The following EYS variants were observed in gnomAD, a reference collection of about 807,000 sequenced individuals.
The protein encoded by EYS is protein eyes shut homolog.
In EYS, 250 loss-of-function variants were observed where a neutral mutation model predicts 282.1. That is an observed-to-expected ratio of 0.89 (90% CI 0.80 to 0.98). EYS has a LOEUF of 0.98. Ranked by LOEUF, EYS falls within the 50% of genes least tolerant of loss-of-function variation. The pLI is 0.00. For synonymous variants in EYS, 1,355 were observed against 1,282.9 expected, an observed-to-expected ratio of 1.06 and a Z score of -1.20; for missense variants, 4,016 against 3,709.0, an observed-to-expected ratio of 1.08 and a Z score of -2.15.
chr6:65,471,981 T>C (rs1765234047), intron 5 of EYS, among the ~76,000 whole-genome samples: 1 of 152,130 alleles, frequency 6.6e-6, no homozygotes, highest in African/African-American at 2.4e-5. Flanking sequence ...CTCTTCTATA[T>C]ATAGTTTATA....
intron 22 of EYS, among the ~76,000 whole-genome samples, chr6:64,766,818 A>G (rs1773367417): frequency 6.6e-6 from 1 of 150,552 alleles, no homozygotes; most frequent in African/African-American, 2.4e-5. Flanking sequence ...ACAGAATTTG[A>G]GTATTTTATT....
At chr6:64,567,531 A>G (rs1765601285) in intron 26 of EYS, among the ~76,000 whole-genome samples, 1 of 152,192 alleles carries the variant, frequency 6.6e-6, no homozygotes, top group African/African-American at 2.4e-5. Flanking sequence ...GTTAAATAAG[A>G]AAATAAACAT....
intron 12 of EYS, among the ~76,000 whole-genome samples, chr6:65,081,641 C>CA (rs1430388501): frequency 2.6e-5 from 4 of 151,956 alleles, no homozygotes. Context: ...CAAACTTTCA[C>CA]ATTGTTTTCT....
intron 30 of EYS, among the ~76,000 whole-genome samples, chr6:64,276,527 T>A (rs1455888601): frequency 6.6e-6 from 1 of 152,072 alleles, no homozygotes; most frequent in African/African-American, 2.4e-5. Context: ...ATTGGAGTCA[T>A]GAGGAAGAAG....
intron 28 of EYS, among the ~76,000 whole-genome samples, chr6:64,424,113 T>G (rs1751018226): frequency 6.6e-6 from 1 of 152,204 alleles, no homozygotes; most frequent in African/African-American, 2.4e-5. Flanking sequence ...CTATAAAATA[T>G]TATGATATAA....
chr6:65,499,491 C>A (rs1766372967), intron 2 of EYS, among the ~76,000 whole-genome samples: 1 of 151,908 alleles, frequency 6.6e-6, no homozygotes, highest in African/African-American at 2.4e-5. Flanking sequence ...TGTTTCACTT[C>A]TTTAAGAAGT....
At chr6:65,684,916 C>T (rs532897719) in intron 1 of EYS, among the ~76,000 whole-genome samples, 6 of 151,980 alleles carry the variant, frequency 3.9e-5, no homozygotes, top group African/African-American at 1.2e-4. Context: ...AAGTGGGCCC[C>T]GGTGTCTGTT....
intron 22 of EYS, among the ~76,000 whole-genome samples, chr6:64,699,507 G>T (rs1770708024): frequency 6.6e-6 from 1 of 151,880 alleles, no homozygotes; most frequent in African/African-American, 2.4e-5. Flanking sequence ...ATAGAAAGGG[G>T]TCTCCTTTAC....
chr6:64,860,179 AGTAT>A (rs1766190506), intron 19 of EYS, among the ~76,000 whole-genome samples: 1 of 152,160 alleles, frequency 6.6e-6, no homozygotes, highest in Non-Finnish European at 1.5e-5. Flanking sequence ...TAGAGTTTGC[AGTAT>A]GTATTTACAC....
At chr6:64,618,849 C>T (rs1767356052) in intron 23 of EYS, among the ~76,000 whole-genome samples, 1 of 152,286 alleles carries the variant, frequency 6.6e-6, no homozygotes, top group African/African-American at 2.4e-5. Context: ...AACATCTTCA[C>T]AGGGTTTATA....
At chr6:64,159,860 T>A (rs1226347387) in intron 31 of EYS, among the ~76,000 whole-genome samples, 1 of 152,218 alleles carries the variant, frequency 6.6e-6, no homozygotes, top group Non-Finnish European at 1.5e-5. Flanking sequence ...AGGTTTGAAG[T>A]TCTAAAAGCC....
chr6:64,615,552 T>C (rs1252959628), intron 24 of EYS, among the ~76,000 whole-genome samples: 1 of 152,140 alleles, frequency 6.6e-6, no homozygotes, highest in Non-Finnish European at 1.5e-5. Context: ...GTATATTTCT[T>C]AGGAATATCT....
At chr6:65,479,437 T>A (rs1471253516) in intron 5 of EYS, among the ~76,000 whole-genome samples, 2 of 152,180 alleles carry the variant, frequency 1.3e-5, no homozygotes, top group African/African-American at 4.8e-5. Flanking sequence ...ACCTCAAATT[T>A]GATATAAATA....
chr6:64,529,534 A>T (rs1045514678), intron 26 of EYS, among the ~76,000 whole-genome samples: 6 of 151,990 alleles, frequency 3.9e-5, no homozygotes, highest in Non-Finnish European at 8.8e-5. Context: ...TCATTAAGTA[A>T]ATGACTGAAG....
rs116002519 is a variant in EYS at position 64,157,988 on chromosome 6, G to A, written c.6424+72604C>T. 3.1e-3 allele frequency among the ~76,000 whole-genome samples: 477 copies of A among 152,252 alleles called. 2 individuals carry two copies. Among genetic ancestry groups the A allele is most frequent in the African/African-American group, 0.011 (450 of 41,532 alleles). On this transcript the variant is annotated intron_variant, in intron 31 of 42. Transcript: ENST00000503581. ...CTTGCACCGTTTGGCTGGAAAAGCCGCAGACACTCAATGACAACCTGTGAA... is the reference window on the plus strand; with the variant it reads ...CTTGCACCGTTTGGCTGGAAAAGCCACAGACACTCAATGACAACCTGTGAA...
At chr6:65,331,403 T>C (rs1769792694) in intron 11 of EYS, 1 of 783,258 alleles carries the variant, frequency 1.3e-6, no homozygotes, top group Non-Finnish European at 1.5e-6. Context: ...ATTTTGCATA[T>C]CTTTTGACAT....
chr6:65,278,066 TGC>T (rs1768105354), intron 12 of EYS, among the ~76,000 whole-genome samples: 1 of 148,456 alleles, frequency 6.7e-6, no homozygotes, highest in Non-Finnish European at 1.5e-5. Context: ...TCTTTTTTTC[TGC>T]CTTCCGTCTT....
chr6:64,080,209 C>T (rs1408214302), intron 32 of EYS, among the ~76,000 whole-genome samples: 1 of 152,210 alleles, frequency 6.6e-6, no homozygotes, highest in Non-Finnish European at 1.5e-5. Flanking sequence ...TCCACATCCT[C>T]TCCAGTACCT....
intron 12 of EYS, among the ~76,000 whole-genome samples, chr6:65,287,267 C>T (rs1371762261): frequency 6.6e-6 from 1 of 151,516 alleles, no homozygotes; most frequent in Admixed American, 6.6e-5. Context: ...GACCACTCCA[C>T]AGTGTAGAAA....
Sources: gnomAD v4.1 joint callset for allele counts (sites outside exome capture counted in the v4.1 genomes callset) on GRCh38, gnomAD v4.1.1 for gene constraint, MANE v1.5 for transcripts, NCBI Gene and HGNC (gene_info 2026-07-23, HGNC 2026-07-21) for gene names.